The following CCSER1 variants were observed in gnomAD, a reference collection of about 807,000 sequenced individuals.
CCSER1 encodes serine-rich coiled-coil domain-containing protein 1.
CCSER1 carries 41 observed loss-of-function variants against 82.0 expected under a neutral mutation model. The observed-to-expected ratio is 0.50, with a 90% CI of 0.39 to 0.65. CCSER1 has a LOEUF of 0.65. Among genes scored for constraint, CCSER1 ranks in the 30% least tolerant of loss-of-function variants. The pLI, the probability that CCSER1 is intolerant of heterozygous loss-of-function variation, is 0.00. For missense variants in CCSER1, 1,119 were observed against 1,064.2 expected, an observed-to-expected ratio of 1.05 and a Z score of -0.72; for synonymous variants, 414 against 383.9, an observed-to-expected ratio of 1.08 and a Z score of -0.92.
intron 9 of CCSER1, among the ~76,000 whole-genome samples, chr4:90,928,694 G>A (rs1236665427): frequency 2.6e-5 from 4 of 152,032 alleles, no homozygotes; most frequent in African/African-American, 9.7e-5. Context: ...TGAGATTTGA[G>A]ACTTAAAGAA....
chr4:90,726,067 C>T (rs1302254219), intron 7 of CCSER1, among the ~76,000 whole-genome samples: 1 of 151,886 alleles, frequency 6.6e-6, no homozygotes, highest in Non-Finnish European at 1.5e-5. Context: ...AAAGCTTCTT[C>T]TAATATTGGT....
intron 8 of CCSER1, among the ~76,000 whole-genome samples, chr4:90,824,370 A>G (rs1760149051): frequency 6.6e-6 from 1 of 152,118 alleles, no homozygotes; most frequent in Admixed American, 6.5e-5. Flanking sequence ...TGTAGAAATG[A>G]TGATTTTTGA....
intron 6 of CCSER1, among the ~76,000 whole-genome samples, chr4:90,704,400 C>T (rs929714218): frequency 2.0e-5 from 3 of 152,140 alleles, no homozygotes; most frequent in African/African-American, 7.2e-5. Flanking sequence ...TCTGGCTGCC[C>T]TTAACATTTT....
intron 10 of CCSER1, among the ~76,000 whole-genome samples, chr4:91,186,778 T>A (rs191990779): frequency 9.9e-4 from 151 of 152,336 alleles, no homozygotes; most frequent in African/African-American, 3.3e-3. Context: ...GTTGGGCTAG[T>A]TAACTGCAGC....
chr4:91,331,199 G>A (rs958405515), intron 10 of CCSER1, among the ~76,000 whole-genome samples: 1 of 152,042 alleles, frequency 6.6e-6, no homozygotes, highest in East Asian at 1.9e-4. Context: ...TAGGACAATG[G>A]CATACAGAGG....
At chr4:90,525,720 C>T (rs1324329417) in intron 5 of CCSER1, among the ~76,000 whole-genome samples, 1 of 152,116 alleles carries the variant, frequency 6.6e-6, no homozygotes. Flanking sequence ...CTGCTCACAG[C>T]AGTCCGTAAC....
intron 10 of CCSER1, among the ~76,000 whole-genome samples, chr4:91,224,218 G>T (rs963896711): frequency 6.6e-6 from 1 of 152,020 alleles, no homozygotes; most frequent in Non-Finnish European, 1.5e-5. Context: ...AAATCCACTC[G>T]CATCGGTCTA....
intron 10 of CCSER1, among the ~76,000 whole-genome samples, chr4:91,217,596 G>A (rs920836750): frequency 2.0e-5 from 3 of 148,932 alleles, no homozygotes; most frequent in Non-Finnish European, 4.5e-5. Context: ...GTTCTCCAAG[G>A]CCCCACCAGA....
intron 9 of CCSER1, among the ~76,000 whole-genome samples, chr4:91,052,705 T>C (rs534188569): frequency 4.6e-5 from 7 of 152,310 alleles, no homozygotes; most frequent in African/African-American, 1.7e-4. Context: ...TAGAGATCAA[T>C]AACTAATATC....
intron 6 of CCSER1, among the ~76,000 whole-genome samples, chr4:90,642,893 GT>G (rs68192930): frequency 0.33 from 48,549 of 147,096 alleles, 10,075 homozygotes; most frequent in African/African-American, 0.6. Flanking sequence ...ATTATTTTCT[GT>G]TTTTTTTTTT....
chr4:90,671,050 C>T (rs1732701389), intron 6 of CCSER1, among the ~76,000 whole-genome samples: 1 of 152,018 alleles, frequency 6.6e-6, no homozygotes, highest in African/African-American at 2.4e-5. Context: ...AAACCATGTA[C>T]ATATCTTAAT....
intron 8 of CCSER1, among the ~76,000 whole-genome samples, chr4:90,921,487 G>C (rs776286818): frequency 1.3e-5 from 2 of 151,898 alleles, no homozygotes; most frequent in Non-Finnish European, 2.9e-5. Flanking sequence ...AAGTTCCAAA[G>C]ATAACTGTTC....
chr4:90,258,558 A>T (rs929846382), intron 1 of CCSER1, among the ~76,000 whole-genome samples: 1 of 152,130 alleles, frequency 6.6e-6, no homozygotes, highest in Non-Finnish European at 1.5e-5. Context: ...TAAGAAACTC[A>T]AAGAATATTT....
At chr4:90,787,510 C>G (rs1414342464) in intron 7 of CCSER1, among the ~76,000 whole-genome samples, 1 of 152,156 alleles carries the variant, frequency 6.6e-6, no homozygotes, top group Non-Finnish European at 1.5e-5. Context: ...TTGCTTTCAA[C>G]ATTTAGACAT....
chr4:90,868,772 A>G (rs996903674), intron 8 of CCSER1, among the ~76,000 whole-genome samples: 16 of 152,054 alleles, frequency 1.1e-4, no homozygotes, highest in Admixed American at 7.2e-4. Flanking sequence ...ATTTTTGAGG[A>G]GCCTCCAAAC....
intron 10 of CCSER1, among the ~76,000 whole-genome samples, chr4:91,484,921 A>G (rs1758137544): frequency 6.6e-6 from 1 of 152,178 alleles, no homozygotes; most frequent in South Asian, 2.1e-4. Flanking sequence ...AAATGGTAGC[A>G]TTGTCATTGG....
intron 10 of CCSER1, among the ~76,000 whole-genome samples, chr4:91,157,091 C>G (rs1730894539): frequency 6.6e-6 from 1 of 151,868 alleles, no homozygotes; most frequent in African/African-American, 2.4e-5. Context: ...TGCAGTTAAC[C>G]TAACACTAGC....
Position 91,143,652 on chromosome 4 carries a change from G to T in CCSER1, c.2217+57658G>T, listed in dbSNP as rs565246019. On this transcript the variant is annotated intron_variant, in intron 10 of 10. Coordinates refer to ENST00000509176, the MANE Select transcript of CCSER1 (RefSeq NM_001145065.2). ...TTATTTTAAAGTATGTTACTTCAATGCCTAGTTTCTTTAGTATTTTTTTAA... is the reference window on the plus strand; with the variant it reads ...TTATTTTAAAGTATGTTACTTCAATTCCTAGTTTCTTTAGTATTTTTTTAA... Among the ~76,000 whole-genome samples, 6 of 152,024 alleles carry T rather than the reference G, an allele frequency of 3.9e-5. No homozygotes were observed. In the East Asian group the frequency reaches 1.2e-3, roughly 29 times the overall value.
intron 7 of CCSER1, among the ~76,000 whole-genome samples, chr4:90,741,420 A>T (rs1045788214): frequency 9.9e-5 from 15 of 152,078 alleles, no homozygotes; most frequent in Non-Finnish European, 2.1e-4. Context: ...AATTTGAAAA[A>T]CCTTGGTGTG....
Sources: gnomAD v4.1 joint callset for allele counts (sites outside exome capture counted in the v4.1 genomes callset) on GRCh38, gnomAD v4.1.1 for gene constraint, MANE v1.5 for transcripts, NCBI Gene and HGNC (gene_info 2026-07-23, HGNC 2026-07-21) for gene names.